The following PRMT1 variants were observed in gnomAD, a reference collection of about 807,000 sequenced individuals.
PRMT1 encodes the protein protein arginine N-methyltransferase 1.
Under a neutral mutation model 47.4 loss-of-function variants are expected in PRMT1, and 5 were observed. The observed-to-expected ratio is 0.11, with a 90% CI of 0.06 to 0.22. The LOEUF (loss-of-function observed/expected upper bound fraction) is 0.22, where lower values mean the gene tolerates loss of function less well. Ranked by LOEUF, PRMT1 falls within the 10% of genes least tolerant of loss-of-function variation. The pLI is 1.00. For synonymous variants in PRMT1, 227 were observed against 204.6 expected (o/e 1.11, Z -0.94); for missense variants, 249 against 518.4 (o/e 0.48, Z 5.05).
chr19:49,687,870 G>T (rs1370725849), intron 10 of PRMT1: 1 of 506,318 alleles, frequency 2.0e-6, no homozygotes, highest in African/African-American at 1.9e-5. Flanking sequence ...TTTTATGAAA[G>T]AAGCAATCAC....
At position 49,677,423 on chromosome 19, in the gene PRMT1, C is replaced by A. The variant is rs182842864; in HGVS notation, c.36+107C>A. ...AGTTGGCGATATGGGGTTGGAGGTC[C>A]CCCGCCGCACACGGGGGCGCCGCAC... is the stretch of plus-strand genomic sequence containing the variant. On this transcript the variant is annotated intron_variant, in intron 1 of 10. Transcript: ENST00000454376. 52 of 977,682 alleles carry A rather than the reference C, an allele frequency of 5.3e-5. No individual in the cohort carries two copies. In the Admixed American group the frequency reaches 1.8e-3, roughly 34 times the overall value. The allele number at this position is 977,682 out of a possible 1,614,324, so 60.6% of individuals were successfully genotyped here. A position where few individuals can be genotyped will look rare whatever the true frequency, so the allele number is the denominator to read the frequency against.
At chr19:49,682,088 C>G in intron 4 of PRMT1, 23 bp downstream of exon 4, 2 of 1,613,516 alleles carry the variant, frequency 1.2e-6, no homozygotes, top group Non-Finnish European at 1.7e-6. Flanking sequence ...GGTGGCCAGG[C>G]GGGGCCGGGC....
At chr19:49,686,522 G>T (rs2082206663) in intron 9 of PRMT1, 83 bp from the exon 10 acceptor site, 1 of 1,447,890 alleles carries the variant, frequency 6.9e-7, no homozygotes, top group Non-Finnish European at 9.3e-7. Context: ...TGTCATGGGG[G>T]TGGGCATTCC....
Position 49,685,586 on chromosome 19 carries a change from A to G in PRMT1, c.760-507A>G, listed in dbSNP as rs1479995327. 3.6e-5 allele frequency: 36 copies of G among 1,014,016 alleles called. No homozygotes were observed. Among genetic ancestry groups the G allele is most frequent in the Non-Finnish European group, 3.9e-5 (33 of 849,436 alleles). 62.8% of individuals were successfully genotyped at this position (1,014,016 alleles called of 1,614,324 possible). On this transcript the variant is annotated intron_variant, in intron 8 of 10. Coordinates refer to ENST00000454376, the MANE Select transcript of PRMT1 (RefSeq NM_001536.6). The surrounding 1 kb of genome is among the most constrained non-coding windows in gnomAD (Gnocchi z 4.7). ...GGCGATGAGTATTTGTTGAGCTGGGATGTGTGAGCCGGGTGAAGCTGGGTG... is the reference window on the plus strand; with the variant it reads ...GGCGATGAGTATTTGTTGAGCTGGGGTGTGTGAGCCGGGTGAAGCTGGGTG...
In PRMT1 at chr19:49,684,865, G is replaced by C; in HGVS notation, c.643+24G>C. On this transcript the variant is annotated intron_variant, in intron 7 of 10. Coordinates refer to ENST00000454376, the MANE Select transcript of PRMT1 (RefSeq NM_001536.6). This position sits in a 1 kb window ranked among gnomAD's most constrained non-coding sequence, Gnocchi z 6.2. The stretch of plus-strand genomic sequence containing the variant: ...CTGTGAGCGCGGCCCGGGAGCTGGC[G>C]GGCGGGGCCTCGGGTGGGCTGCTGC... 1.2e-6 allele frequency: 2 copies of C among 1,611,444 alleles called. No individual in the cohort carries two copies. Among genetic ancestry groups the C allele is most frequent in the Non-Finnish European group, 1.7e-6 (2 of 1,178,336 alleles).
chr19:49,677,856 G>A (rs1446960382), intron 1 of PRMT1, among the ~76,000 whole-genome samples: 1 of 152,102 alleles, frequency 6.6e-6, no homozygotes, highest in Non-Finnish European at 1.5e-5. Flanking sequence ...CGAGCTCCGG[G>A]GGCATCTGTT....
chr19:49,682,659 A>T (rs929321080), intron 5 of PRMT1, among the ~76,000 whole-genome samples: 5 of 151,942 alleles, frequency 3.3e-5, no homozygotes, highest in Non-Finnish European at 7.4e-5. Flanking sequence ...CGCCAGTAGC[A>T]TTTCATACCA....
chr19:49,679,789 C>A (rs985423990), intron 1 of PRMT1, 83 bp from the exon 2 acceptor site: 5 of 1,066,180 alleles, frequency 4.7e-6, no homozygotes, highest in Non-Finnish European at 4.3e-6. Flanking sequence ...ACCCACCCCC[C>A]GGCCAGAGCC....
chr19:49,676,550 G>A (rs2082040564), upstream of PRMT1: 1 of 152,290 alleles, frequency 6.6e-6, no homozygotes, highest in African/African-American at 2.4e-5. Context: ...GATTTAATGT[G>A]TTGACGACGG....
At position 49,684,623 on chromosome 19, in the gene PRMT1, G is replaced by C. The variant is rs961369801; in HGVS notation, c.556-131G>C. ...TGGCGGCCGTGTGGGAAATAGACCA[G>C]GGGGCGAGGGGTGAGTGCCGCTGCG... On this transcript the variant is annotated intron_variant, in intron 6 of 10. Coordinates refer to ENST00000454376, the MANE Select transcript of PRMT1 (RefSeq NM_001536.6). The surrounding 1 kb of genome is among the most constrained non-coding windows in gnomAD (Gnocchi z 6.2). 9.3e-7 allele frequency: 1 copy of C among 1,074,306 alleles called. No homozygotes were observed. Among genetic ancestry groups the C allele is most frequent in the African/African-American group, 1.6e-5 (1 of 62,304 alleles). The allele number at this position is 1,074,306 out of a possible 1,614,324, so 66.5% of individuals were successfully genotyped here.
In PRMT1 at chr19:49,684,658, TGGCCCAGACCAGGGCAGGA is replaced by T; in HGVS notation, c.556-91_556-73del. 1 of 1,340,554 alleles carries T rather than the reference TGGCCCAGACCAGGGCAGGA, an allele frequency of 7.5e-7. No homozygotes were observed. Among genetic ancestry groups the T allele is most frequent in the Non-Finnish European group, 1.0e-6 (1 of 968,074 alleles). The allele number at this position is 1,340,554 out of a possible 1,614,324, so 83.0% of individuals were successfully genotyped here. A position where few individuals can be genotyped will look rare whatever the true frequency, so the allele number is the denominator to read the frequency against. On this transcript the variant is annotated intron_variant, in intron 6 of 10. Transcript: ENST00000454376. The surrounding 1 kb of genome is among the most constrained non-coding windows in gnomAD (Gnocchi z 6.2). Reference sequence around the variant, plus strand: ...GGTGAGTGCCGCTGCGACATGAGGGTGGCCCAGACCAGGGCAGGAGGCCACATCTTGGAGGCAAGACTCA... The same window carrying T: ...GGTGAGTGCCGCTGCGACATGAGGGTGGCCACATCTTGGAGGCAAGACTCA...
At position 49,680,332 on chromosome 19, in the gene PRMT1, T is replaced by G. The variant is rs529952873; in HGVS notation, c.91-155T>G. The G allele has an allele frequency of 9.1e-6, 9 of 993,976 alleles. No individual in the cohort carries two copies. The highest frequency in any genetic ancestry group is 2.6e-5 in the East Asian group (1 of 38,786). 61.6% of individuals were successfully genotyped at this position (993,976 alleles called of 1,614,324 possible). On this transcript the variant is annotated intron_variant, in intron 2 of 10. Coordinates refer to ENST00000454376, the MANE Select transcript of PRMT1 (RefSeq NM_001536.6). The surrounding 1 kb of genome is among the most constrained non-coding windows in gnomAD (Gnocchi z 4.2). ...TGGGGTTGTTAGGTTTTGGGGTTCC[T>G]GGGGGGGCAAGATGGCAGGCGGGGG...
intron 1 of PRMT1, 61 bp from the exon 2 acceptor site, chr19:49,679,811 A>T: frequency 7.3e-7 from 1 of 1,375,766 alleles, no homozygotes; most frequent in Admixed American, 1.8e-5. Context: ...AGGTTCCGCC[A>T]CCCAGCCCTC....
chr19:49,686,827 G>T (rs1233715585), intron 10 of PRMT1, 101 bp downstream of exon 10: 1 of 323,680 alleles, frequency 3.1e-6, no homozygotes, highest in Non-Finnish European at 5.5e-6. Context: ...GGGGGTAGGG[G>T]ATGGGGGCAG....
rs2082107625 is a variant in PRMT1, at chr19:49,680,833, C to A, written c.192+245C>A. 6.6e-6 allele frequency among the ~76,000 whole-genome samples: 1 copy of A among 152,244 alleles called. No homozygotes were observed. The highest frequency in any genetic ancestry group is 2.4e-5 in the African/African-American group (1 of 41,468). ...TGGGAGAGCGCATGCGTGCCTGGGG[C>A]CTTAGCCAGAGGTCGGGCAGGGCCC... On this transcript the variant is annotated intron_variant, in intron 3 of 10. Coordinates refer to ENST00000454376, the MANE Select transcript of PRMT1 (RefSeq NM_001536.6). The surrounding 1 kb of genome is among the most constrained non-coding windows in gnomAD (Gnocchi z 4.2).
At position 49,684,472 on chromosome 19, in the gene PRMT1, C is replaced by A. The variant is rs530737878; in HGVS notation, c.556-282C>A. 2.0e-5 allele frequency among the ~76,000 whole-genome samples: 3 copies of A among 152,016 alleles called. No individual in the cohort carries two copies. The highest frequency in any genetic ancestry group is 2.9e-5 in the Non-Finnish European group (2 of 67,986). The stretch of plus-strand genomic sequence containing the variant: ...GGAGTGGAGGTGAGGGGTGACAGGG[C>A]GTGTGCAGATTTTGTGGAGGCTTAT... On this transcript the variant is annotated intron_variant, in intron 6 of 10. Coordinates refer to ENST00000454376, the MANE Select transcript of PRMT1 (RefSeq NM_001536.6). The surrounding 1 kb of genome is among the most constrained non-coding windows in gnomAD (Gnocchi z 6.2).
intron 1 of PRMT1, among the ~76,000 whole-genome samples, chr19:49,678,534 G>A (rs1363806435): frequency 6.6e-6 from 1 of 152,200 alleles, no homozygotes; most frequent in African/African-American, 2.4e-5. Context: ...GGGAGAGCTG[G>A]AGGGAGGGTG....
At chr19:49,687,403 C>T (rs1441400607) in intron 10 of PRMT1, among the ~76,000 whole-genome samples, 1 of 151,790 alleles carries the variant, frequency 6.6e-6, no homozygotes, top group Non-Finnish European at 1.5e-5. Context: ...CCGATGGGTG[C>T]GAGGGTGGGT....
At chr19:49,687,385 G>T (rs2082223354) in intron 10 of PRMT1, among the ~76,000 whole-genome samples, 1 of 151,976 alleles carries the variant, frequency 6.6e-6, no homozygotes, top group South Asian at 2.1e-4. Flanking sequence ...TGGAAAAGTG[G>T]GTCCCGGCCG....
Sources: allele counts gnomAD v4.1 joint callset (sites outside exome capture counted in the v4.1 genomes callset), GRCh38; gene constraint gnomAD v4.1.1; non-coding constraint Gnocchi (gnomAD v3.1); transcripts MANE v1.5; gene names NCBI Gene and HGNC (gene_info 2026-07-23, HGNC 2026-07-21).